Variants in DPPA2 observed in about 807,000 individuals in gnomAD.
DPPA2 encodes developmental pluripotency associated 2, also known as developmental pluripotency-associated protein 2.
In DPPA2, 26 loss-of-function variants were observed where a neutral mutation model predicts 36.2. The observed-to-expected ratio is 0.72, with a 90% CI of 0.53 to 1.00. The LOEUF (loss-of-function observed/expected upper bound fraction) is 1.00, where lower values mean the gene tolerates loss of function less well. Ranked by LOEUF, DPPA2 falls within the 50% of genes least tolerant of loss-of-function variation. The pLI, the probability that DPPA2 is intolerant of heterozygous loss-of-function variation, is 0.00. For synonymous variants in DPPA2, 113 were observed against 123.2 expected, an observed-to-expected ratio of 0.92 and a Z score of 0.55; for missense variants, 361 against 365.1, an observed-to-expected ratio of 0.99 and a Z score of 0.09.
intron 2 of DPPA2, among the ~76,000 whole-genome samples, chr3:109,313,413 G>T (rs1707741562): frequency 6.6e-6 from 1 of 152,330 alleles, no homozygotes; most frequent in South Asian, 2.1e-4. Flanking sequence ...AGTCTACACA[G>T]AGTAGGCATT....
chr3:109,298,954 G>A (rs1480454064), intron 8 of DPPA2, among the ~76,000 whole-genome samples: 2 of 152,072 alleles, frequency 1.3e-5, no homozygotes, highest in African/African-American at 2.4e-5. Flanking sequence ...GCTGAGGTGA[G>A]AGGATGGCTT....
chr3:109,304,473 A>T lies in DPPA2; in HGVS notation c.854+2T>A. On this transcript the variant is annotated splice_donor_variant, in intron 7 of 8. Coordinates refer to ENST00000478945, the MANE Select transcript of DPPA2 (RefSeq NM_138815.4). LOFTEE classifies it high-confidence loss of function. Reference sequence around the variant, plus strand: ...ATGCTTAACAAGATACATAAGGGTTACCTCTTAGCACAGTCGGGGCATAAC... The same window carrying T: ...ATGCTTAACAAGATACATAAGGGTTTCCTCTTAGCACAGTCGGGGCATAAC... 1.2e-6 allele frequency: 2 copies of T among 1,606,278 alleles called. No individual in the cohort carries two copies. The highest frequency in any genetic ancestry group is 1.7e-6 in the Non-Finnish European group (2 of 1,176,834).
At chr3:109,294,150 T>C (rs929149222) in intron 8 of DPPA2, 146 bp from the exon 9 acceptor site, 9 of 152,220 alleles carry the variant, frequency 5.9e-5, no homozygotes, top group African/African-American at 1.7e-4. Flanking sequence ...GAATGGCAGA[T>C]GGAAATACTA....
chr3:109,300,557 C>T (rs1266670768), intron 7 of DPPA2, 122 bp from the exon 8 acceptor site: 9 of 933,568 alleles, frequency 9.6e-6, no homozygotes, highest in Non-Finnish European at 1.5e-5. Context: ...TGTGGTGGCT[C>T]ACGCCTGTAA....
rs866145637 is a variant in DPPA2 at position 109,298,717 on chromosome 3, A to T, written c.*22+1654T>A. Among the ~76,000 whole-genome samples, 771 of 141,904 alleles carry T rather than the reference A, an allele frequency of 5.4e-3. 5 individuals carry two copies. The highest frequency in any genetic ancestry group is 0.017 in the African/African-American group (640 of 38,470). 93.1% of individuals were successfully genotyped at this position (141,904 alleles called of 152,430 possible). On this transcript the variant is annotated intron_variant, in intron 8 of 8. Coordinates refer to ENST00000478945, the MANE Select transcript of DPPA2 (RefSeq NM_138815.4). ...GGTGATAAAGTATGATTCTGTCTAA[A>T]AATAATAATAATAATAATAATAATA...
chr3:109,308,869 A>G (rs961225501), intron 5 of DPPA2, among the ~76,000 whole-genome samples, 157 bp downstream of exon 5: 2 of 152,206 alleles, frequency 1.3e-5, no homozygotes, highest in African/African-American at 2.4e-5. Flanking sequence ...GGCAGCCCCC[A>G]AAACAAACAA....
intron 7 of DPPA2, among the ~76,000 whole-genome samples, chr3:109,304,166 G>T (rs538166894): frequency 2.6e-5 from 4 of 151,876 alleles, no homozygotes; most frequent in Non-Finnish European, 5.9e-5. Flanking sequence ...GCTGAGACTC[G>T]GGAGGCTGAG....
At chr3:109,298,194 A>G (rs148350685) in intron 8 of DPPA2, among the ~76,000 whole-genome samples, 57 of 152,346 alleles carry the variant, frequency 3.7e-4, no homozygotes, top group African/African-American at 1.3e-3. Context: ...TCTGTATGAC[A>G]CTATGTTGGA....
At chr3:109,311,097 C>A (rs186463453) in intron 3 of DPPA2, among the ~76,000 whole-genome samples, 1 of 152,124 alleles carries the variant, frequency 6.6e-6, no homozygotes, top group African/African-American at 2.4e-5. Context: ...CCATCATGTC[C>A]GGCCTCAAAC....
At chr3:109,300,821 C>CAAAAAAAAA (rs767043097) in intron 7 of DPPA2, among the ~76,000 whole-genome samples, 1 of 68,086 alleles carries the variant, frequency 1.5e-5, no homozygotes, top group African/African-American at 4.8e-5. Context: ...GACTCAGTCT[C>CAAAAAAAAA]AAAAAAAAAA....
chr3:109,300,985 CTTTTTT>C (rs36123123), intron 7 of DPPA2, among the ~76,000 whole-genome samples: 1 of 139,210 alleles, frequency 7.2e-6, no homozygotes, highest in Admixed American at 7.3e-5. Flanking sequence ...GATCTCACAT[CTTTTTT>C]TTTTTTTTTT....
At chr3:109,313,749 T>A (rs972118814) in intron 2 of DPPA2, among the ~76,000 whole-genome samples, 1 of 152,178 alleles carries the variant, frequency 6.6e-6, no homozygotes, top group African/African-American at 2.4e-5. Flanking sequence ...CACACTCCTG[T>A]CTCCTATTTA....
At chr3:109,295,585 T>C (rs1260509540) in intron 8 of DPPA2, 1 of 150,844 alleles carries the variant, frequency 6.6e-6, no homozygotes, top group Non-Finnish European at 1.5e-5. Context: ...GATTTATAAA[T>C]ATATACTTAT....
chr3:109,304,389 C>G (rs1373399519), intron 7 of DPPA2, 86 bp downstream of exon 7: 1 of 1,361,974 alleles, frequency 7.3e-7, no homozygotes, highest in Non-Finnish European at 9.8e-7. Flanking sequence ...TGTTCGCCCT[C>G]TGCTTTCTAC....
intron 7 of DPPA2, among the ~76,000 whole-genome samples, chr3:109,303,776 A>G (rs925491714): frequency 4.6e-5 from 7 of 152,156 alleles, no homozygotes; most frequent in African/African-American, 1.7e-4. Context: ...TTCCTTTAGA[A>G]CAAGTCTCTA....
In DPPA2 at chr3:109,303,470, A is replaced by G. The variant is rs548526112; in HGVS notation, c.854+1005T>C. Among the ~76,000 whole-genome samples the G allele has an allele frequency of 1.9e-3, 279 of 150,774 alleles. 1 individual carries two copies. The highest frequency in any genetic ancestry group is 6.2e-3 in the African/African-American group (254 of 41,014). ...ACCGCAACCTCTGCCTCCCGGGTTC[A>G]GCGATTCTTCTGCCTCAGTCTCCCG... On this transcript the variant is annotated intron_variant, in intron 7 of 8. Coordinates refer to ENST00000478945, the MANE Select transcript of DPPA2 (RefSeq NM_138815.4).
intron 3 of DPPA2, among the ~76,000 whole-genome samples, chr3:109,312,105 G>A (rs376769214): frequency 2.0e-5 from 3 of 152,104 alleles, no homozygotes; most frequent in South Asian, 2.1e-4. Context: ...AGACTGAGGC[G>A]GGCACATCAC....
Position 109,309,219 on chromosome 3 carries a change from T to TC in DPPA2, c.292dup (p.Asp98GlyfsTer15). On this transcript the variant is annotated frameshift_variant, in exon 4 of 9. Coordinates refer to ENST00000478945, the MANE Select transcript of DPPA2 (RefSeq NM_138815.4). LOFTEE classifies it high-confidence loss of function. ...TTGTTGACACCAGTCCCGCAAAGTG[T>TC]CCCGACACACCTTATTAATGGGAGG... The TC allele has an allele frequency of 1.2e-6, 2 of 1,614,144 alleles. No individual in the cohort carries two copies. The highest frequency in any genetic ancestry group is 8.5e-7 in the Non-Finnish European group (1 of 1,180,042).
At chr3:109,302,181 AATGT>A (rs1707466745) in intron 7 of DPPA2, among the ~76,000 whole-genome samples, 1 of 152,102 alleles carries the variant, frequency 6.6e-6, no homozygotes, top group Non-Finnish European at 1.5e-5. Context: ...TCTTATCCAC[AATGT>A]ATGTGCTGAT....
Sources: gnomAD v4.1 joint callset for allele counts (sites outside exome capture counted in the v4.1 genomes callset) on GRCh38, gnomAD v4.1.1 for gene constraint, MANE v1.5 for transcripts, NCBI Gene and HGNC (gene_info 2026-07-23, HGNC 2026-07-21) for gene names.